ANKDD1A: variants seen among roughly 807,000 people sequenced by gnomAD.
The protein encoded by ANKDD1A is ankyrin repeat and death domain-containing protein 1A.
ANKDD1A carries 59 observed loss-of-function variants against 63.5 expected under a neutral mutation model. The observed-to-expected ratio is 0.93, with a 90% confidence interval of 0.75 to 1.15. ANKDD1A has a LOEUF of 1.15. ANKDD1A is among the 50% of genes most tolerant of loss of function. ANKDD1A has a pLI of 0.00. For synonymous variants in ANKDD1A, 266 were observed against 263.9 expected (o/e 1.01, Z -0.08); for missense variants, 632 against 656.4 (o/e 0.96, Z 0.41).
chr15:64,952,902 CCTTCTCTT>C (rs1415317667), intron 14 of ANKDD1A, among the ~76,000 whole-genome samples: 30 of 121,948 alleles, frequency 2.5e-4, no homozygotes, highest in African/African-American at 8.2e-4. Flanking sequence ...CCTTCTCCTT[CCTTCTCTT>C]CTTCTCCTTC....
chr15:64,931,061 C>G (rs1376615967), intron 7 of ANKDD1A, 141 bp downstream of exon 7: 1 of 823,670 alleles, frequency 1.2e-6, no homozygotes, highest in East Asian at 2.7e-5. Context: ...CAGGGAAAGA[C>G]AAGCAGCAGC....
intron 1 of ANKDD1A, among the ~76,000 whole-genome samples, chr15:64,915,138 C>T (rs1047959433): frequency 6.6e-6 from 1 of 152,182 alleles, no homozygotes; most frequent in African/African-American, 2.4e-5. Flanking sequence ...AACCCTGTCT[C>T]TACCAAATAT....
chr15:64,951,331 T>C (rs1051509248), intron 14 of ANKDD1A: 16 of 177,032 alleles, frequency 9.0e-5, no homozygotes, highest in Non-Finnish European at 1.2e-4. Flanking sequence ...TTCTTTCCTC[T>C]TTTTCTTTCT....
chr15:64,926,231 T>C, intron 5 of ANKDD1A, 61 bp downstream of exon 5: 1 of 1,496,942 alleles, frequency 6.7e-7, no homozygotes, highest in Non-Finnish European at 9.2e-7. Context: ...GGGGCCACTC[T>C]TGCACACTGG....
At chr15:64,914,056 C>G (rs980818503) in intron 1 of ANKDD1A, 2 of 150,996 alleles carry the variant, frequency 1.3e-5, no homozygotes, top group African/African-American at 4.9e-5. Flanking sequence ...GGCATGATCT[C>G]GGCTCACTGC....
chr15:64,925,925 G>T (rs370748144), intron 4 of ANKDD1A, 141 bp from the exon 5 acceptor site: 1 of 706,372 alleles, frequency 1.4e-6, no homozygotes, highest in African/African-American at 1.8e-5. Flanking sequence ...GTTATCCCTC[G>T]GGTCCATTCA....
At chr15:64,941,113 T>C (rs2085181717) in intron 9 of ANKDD1A, among the ~76,000 whole-genome samples, 1 of 152,260 alleles carries the variant, frequency 6.6e-6, no homozygotes, top group Non-Finnish European at 1.5e-5. Context: ...TTTTGTCTTA[T>C]TCATTTCTAA....
chr15:64,947,049 A>G (rs2085228917), intron 12 of ANKDD1A, among the ~76,000 whole-genome samples: 1 of 152,126 alleles, frequency 6.6e-6, no homozygotes, highest in East Asian at 1.9e-4. Flanking sequence ...TTCTGCTGAC[A>G]CCCATGCTAT....
intron 14 of ANKDD1A, among the ~76,000 whole-genome samples, chr15:64,953,449 TTTC>T (rs1409277600): frequency 3.8e-4 from 34 of 90,154 alleles, no homozygotes; most frequent in African/African-American, 1.1e-3. Context: ...CCTTTTCTTC[TTTC>T]TTCTCTCCTT....
chr15:64,953,663 T>TTCTCCTCCTTCCTTTTCC (rs1555397894), intron 14 of ANKDD1A, among the ~76,000 whole-genome samples: 1 of 135,454 alleles, frequency 7.4e-6, no homozygotes, highest in Non-Finnish European at 1.5e-5. Flanking sequence ...CTTCTTTTCT[T>TTCTCCTCCTTCCTTTTCC]TCTTCTCCTT....
chr15:64,916,337 T>G (rs571631475), intron 2 of ANKDD1A, among the ~76,000 whole-genome samples: 1 of 151,420 alleles, frequency 6.6e-6, no homozygotes, highest in South Asian at 2.1e-4. Context: ...TTTCTTTTTT[T>G]TTTTTTTTGA....
At chr15:64,954,765 TCTTTCTTCTTCTC>T (rs2085397701) in intron 14 of ANKDD1A, among the ~76,000 whole-genome samples, 1 of 147,982 alleles carries the variant, frequency 6.8e-6, no homozygotes, top group African/African-American at 2.6e-5. Flanking sequence ...TTTTTGTTCT[TCTTTCTTCTTCTC>T]CTTCTTCCTT....
chr15:64,940,856 A>G (rs531952703), intron 9 of ANKDD1A, among the ~76,000 whole-genome samples: 42 of 152,306 alleles, frequency 2.8e-4, no homozygotes, highest in South Asian at 6.2e-4. Flanking sequence ...CTCCTGCCTC[A>G]GCCTCCCAGG....
chr15:64,947,581 C>T lies in ANKDD1A; in HGVS notation c.1339C>T (p.Gln447Ter), dbSNP rs767895168. ...FTEAHVDAIE[Q>*]QWTGTRSYQE... The stretch of plus-strand genomic sequence containing the variant: ...GGAGGCACATGTCGACGCCATCGAG[C>T]AACAGTGGACAGGTACCACCTTGCC... The change falls in exon 13 of 15, where the codon CAA becomes TAA. Residue 447 changes from glutamine to a stop codon, truncating the protein, a stop_gained. Coordinates refer to ENST00000319580, the MANE Select transcript of ANKDD1A (RefSeq NM_182703.6). LOFTEE classifies it high-confidence loss of function. 37 of 1,613,826 alleles carry T rather than the reference C, an allele frequency of 2.3e-5. No homozygotes were observed. The highest frequency in any genetic ancestry group is 1.7e-4 in the Middle Eastern group (1 of 6,020).
intron 3 of ANKDD1A, 83 bp downstream of exon 3, chr15:64,917,597 T>C: frequency 6.7e-7 from 1 of 1,493,858 alleles, no homozygotes; most frequent in East Asian, 2.5e-5. Flanking sequence ...TTGCCGAGAT[T>C]GCTGCTAATA....
intron 6 of ANKDD1A, among the ~76,000 whole-genome samples, chr15:64,929,615 A>C (rs1344168992): frequency 2.0e-5 from 3 of 152,156 alleles, no homozygotes; most frequent in African/African-American, 7.2e-5. Flanking sequence ...CCAAGTGCAA[A>C]GCAACTACCA....
chr15:64,912,381 T>G (rs1394313764), intron 1 of ANKDD1A, among the ~76,000 whole-genome samples: 1 of 152,190 alleles, frequency 6.6e-6, no homozygotes, highest in African/African-American at 2.4e-5. Flanking sequence ...AATGAGTTGT[T>G]CAAGGTCACA....
intron 5 of ANKDD1A, among the ~76,000 whole-genome samples, chr15:64,926,599 G>A (rs893605459): frequency 1.3e-5 from 2 of 152,072 alleles, no homozygotes; most frequent in Non-Finnish European, 2.9e-5. Context: ...AGGTCTGATG[G>A]GTGGTTGGGG....
intron 14 of ANKDD1A, among the ~76,000 whole-genome samples, chr15:64,953,512 C>T: frequency 1.0e-5 from 1 of 97,494 alleles, no homozygotes; most frequent in Non-Finnish European, 2.2e-5. Context: ...CCTCCTCTTC[C>T]TTCTCCTTCT....
Sources: gnomAD v4.1 joint callset for allele counts (sites outside exome capture counted in the v4.1 genomes callset) on GRCh38, gnomAD v4.1.1 for gene constraint, MANE v1.5 for transcripts, NCBI Gene and HGNC (gene_info 2026-07-23, HGNC 2026-07-21) for gene names.